DOCK4: variants seen among roughly 807,000 people sequenced by gnomAD.
DOCK4 encodes dedicator of cytokinesis 4.
In DOCK4, 97 loss-of-function variants were observed where a neutral mutation model predicts 268.1. That is an observed-to-expected ratio of 0.36 (90% confidence interval 0.31 to 0.43). DOCK4 has a LOEUF of 0.43. Among genes scored for constraint, DOCK4 ranks in the 20% least tolerant of loss-of-function variants. The pLI, the probability that DOCK4 is intolerant of heterozygous loss-of-function variation, is 1.00. For synonymous variants in DOCK4, 954 were observed against 887.2 expected (o/e 1.08, Z -1.34); for missense variants, 2,145 against 2,455.7 (o/e 0.87, Z 2.67).
intron 16 of DOCK4, among the ~76,000 whole-genome samples, chr7:111,881,225 G>A (rs1807360098): frequency 1.3e-5 from 2 of 152,084 alleles, no homozygotes; most frequent in South Asian, 2.1e-4. Flanking sequence ...CAACTCTCTA[G>A]GGAAAAATCT....
chr7:111,914,847 G>A (rs373826192), intron 13 of DOCK4, among the ~76,000 whole-genome samples: 2 of 152,098 alleles, frequency 1.3e-5, no homozygotes, highest in African/African-American at 4.8e-5. Context: ...CTTCTGTTGT[G>A]TTCAGTTTTA....
intron 1 of DOCK4, among the ~76,000 whole-genome samples, chr7:112,036,502 T>C (rs1803778860): frequency 6.6e-6 from 1 of 152,176 alleles, no homozygotes; most frequent in African/African-American, 2.4e-5. Flanking sequence ...GGAGACAATA[T>C]GTAATAACTA....
intron 11 of DOCK4, among the ~76,000 whole-genome samples, chr7:111,938,273 A>T (rs111360858): frequency 2.7e-3 from 410 of 152,362 alleles, no homozygotes; most frequent in Non-Finnish European, 4.9e-3. Flanking sequence ...CATAGGTCCC[A>T]TTGGATGGAG....
intron 12 of DOCK4, among the ~76,000 whole-genome samples, chr7:111,931,037 A>G (rs1326129357): frequency 6.6e-6 from 1 of 152,216 alleles, no homozygotes; most frequent in African/African-American, 2.4e-5. Flanking sequence ...GAGAGAGACC[A>G]GAGAAACAGA....
intron 26 of DOCK4, among the ~76,000 whole-genome samples, chr7:111,824,094 C>T (rs893898795): frequency 6.6e-6 from 1 of 152,150 alleles, no homozygotes; most frequent in Non-Finnish European, 1.5e-5. Context: ...CAGATCCGGT[C>T]CATGTCTCCA....
intron 1 of DOCK4, among the ~76,000 whole-genome samples, chr7:112,093,191 T>C (rs1294204316): frequency 2.6e-5 from 4 of 152,088 alleles, no homozygotes; most frequent in Non-Finnish European, 5.9e-5. Context: ...TACCCCAGAA[T>C]TGCTTCATGA....
intron 8 of DOCK4, among the ~76,000 whole-genome samples, chr7:111,949,927 T>C (rs571815981): frequency 7.9e-5 from 12 of 152,364 alleles, no homozygotes; most frequent in South Asian, 6.2e-4. Context: ...GCATTCTTTT[T>C]TTTCCTTTCT....
At chr7:111,842,839 C>T (rs1803802394) in intron 25 of DOCK4, among the ~76,000 whole-genome samples, 1 of 152,304 alleles carries the variant, frequency 6.6e-6, no homozygotes, top group South Asian at 2.1e-4. Flanking sequence ...GCCCTCTTGC[C>T]TCAGCTGTCA....
At chr7:111,962,165 G>T (rs1796955379) in intron 8 of DOCK4, among the ~76,000 whole-genome samples, 1 of 151,914 alleles carries the variant, frequency 6.6e-6, no homozygotes, top group Admixed American at 6.6e-5. Context: ...TTACTAGTAG[G>T]TCTCTCTAAA....
chr7:111,934,949 T>C (rs1398501049), intron 12 of DOCK4, among the ~76,000 whole-genome samples: 3 of 146,200 alleles, frequency 2.1e-5, no homozygotes, highest in Non-Finnish European at 3.0e-5. Context: ...TTTAGCTTGC[T>C]TTTTTTTTTT....
chr7:111,956,674 CTATT>C (rs1278641385), intron 8 of DOCK4, among the ~76,000 whole-genome samples: 1 of 152,142 alleles, frequency 6.6e-6, no homozygotes, highest in Non-Finnish European at 1.5e-5. Flanking sequence ...ATTCCCCTAT[CTATT>C]TCTTTTCTCT....
intron 30 of DOCK4, among the ~76,000 whole-genome samples, chr7:111,791,220 T>C (rs747396550): frequency 6.1e-4 from 85 of 139,230 alleles, no homozygotes; most frequent in Non-Finnish European, 7.6e-4. Flanking sequence ...TCAATATAAT[T>C]AAGCAAAAAA....
chr7:111,926,008 T>C (rs751462728), intron 12 of DOCK4, among the ~76,000 whole-genome samples: 2 of 147,506 alleles, frequency 1.4e-5, no homozygotes, highest in Non-Finnish European at 3.0e-5. Flanking sequence ...GGCAGGGGAA[T>C]CACTTGAACC....
intron 2 of DOCK4, among the ~76,000 whole-genome samples, chr7:112,003,744 C>T (rs531928898): frequency 6.6e-6 from 1 of 152,246 alleles, no homozygotes; most frequent in African/African-American, 2.4e-5. Flanking sequence ...TCTACTAGAT[C>T]CTGAGGATTC....
At chr7:111,900,307 T>C in intron 15 of DOCK4, 67 bp downstream of exon 15, 2 of 1,542,020 alleles carry the variant, frequency 1.3e-6, no homozygotes, top group Non-Finnish European at 8.8e-7. Context: ...CACATCTTCA[T>C]GACAGCTCAG....
At chr7:112,053,529 C>T (rs182055571) in intron 1 of DOCK4, among the ~76,000 whole-genome samples, 1 of 152,330 alleles carries the variant, frequency 6.6e-6, no homozygotes, top group Admixed American at 6.5e-5. Flanking sequence ...ACTTGTAAAA[C>T]CCCAACAAGG....
At chr7:111,988,980 C>G in intron 6 of DOCK4, 35 bp downstream of exon 6, 2 of 1,580,878 alleles carry the variant, frequency 1.3e-6, no homozygotes, top group Non-Finnish European at 1.7e-6. Context: ...TTGTGTTCAC[C>G]TACTAGAGGC....
intron 1 of DOCK4, among the ~76,000 whole-genome samples, chr7:112,074,437 T>C (rs1807878487): frequency 6.6e-6 from 1 of 152,236 alleles, no homozygotes; most frequent in Admixed American, 6.5e-5. Flanking sequence ...ATTAAACCTT[T>C]GTCTACCAAC....
intron 1 of DOCK4, among the ~76,000 whole-genome samples, chr7:112,119,012 T>A (rs6951854): frequency 0.38 from 57,665 of 151,864 alleles, 11,313 homozygotes; most frequent in East Asian, 0.56. Flanking sequence ...TGTGAAAAAA[T>A]GGGGCAGGGA....
Sources: gnomAD v4.1 joint callset for allele counts (sites outside exome capture counted in the v4.1 genomes callset) on GRCh38, gnomAD v4.1.1 for gene constraint, MANE v1.5 for transcripts, NCBI Gene and HGNC (gene_info 2026-07-23, HGNC 2026-07-21) for gene names.